LRRC4C: variants seen among roughly 807,000 people sequenced by gnomAD.
The protein encoded by LRRC4C is leucine rich repeat containing 4C.
LRRC4C carries 5 observed loss-of-function variants against 33.6 expected under a neutral mutation model. The observed-to-expected ratio is 0.15, with a 90% CI of 0.08 to 0.31. The LOEUF (loss-of-function observed/expected upper bound fraction) is 0.31, where lower values mean the gene tolerates loss of function less well. Among genes scored for constraint, LRRC4C ranks in the 10% least tolerant of loss-of-function variants. The pLI, the probability that LRRC4C is intolerant of heterozygous loss-of-function variation, is 1.00. For synonymous variants in LRRC4C, 329 were observed against 302.0 expected (o/e 1.09, Z -0.93); for missense variants, 560 against 796.7 (o/e 0.70, Z 3.58).
intron 3 of LRRC4C, among the ~76,000 whole-genome samples, chr11:40,517,587 C>T (rs1028113522): frequency 6.6e-6 from 1 of 152,094 alleles, no homozygotes; most frequent in African/African-American, 2.4e-5. Context: ...TGAGAACCCA[C>T]CCATCTCTAT....
At chr11:40,176,771 C>G (rs1196897911) in intron 5 of LRRC4C, among the ~76,000 whole-genome samples, 1 of 151,700 alleles carries the variant, frequency 6.6e-6, no homozygotes, top group Non-Finnish European at 1.5e-5. Flanking sequence ...GAACTTCTGG[C>G]CTCAAGTGAT....
At chr11:40,674,611 T>C (rs551171697) in intron 2 of LRRC4C, among the ~76,000 whole-genome samples, 30 of 152,148 alleles carry the variant, frequency 2.0e-4, no homozygotes, top group Non-Finnish European at 3.2e-4. Context: ...AAGTTTTAGG[T>C]ACTATTATAA....
At chr11:41,381,387 G>A (rs1953142441) in intron 1 of LRRC4C, among the ~76,000 whole-genome samples, 1 of 152,046 alleles carries the variant, frequency 6.6e-6, no homozygotes, top group African/African-American at 2.4e-5. Context: ...CAGTACTTTG[G>A]GAGGCCGAGG....
chr11:40,223,594 G>A (rs947082606), intron 5 of LRRC4C, among the ~76,000 whole-genome samples: 1 of 152,138 alleles, frequency 6.6e-6, no homozygotes, highest in Non-Finnish European at 1.5e-5. Flanking sequence ...CCAAGGCTGG[G>A]CTCAGAGTGT....
intron 1 of LRRC4C, among the ~76,000 whole-genome samples, chr11:41,096,327 T>C (rs1402487004): frequency 6.6e-6 from 1 of 152,152 alleles, no homozygotes; most frequent in Non-Finnish European, 1.5e-5. Flanking sequence ...ATATTACCCT[T>C]TCTTTTGTAA....
At chr11:40,579,423 A>T (rs1958364782) in intron 3 of LRRC4C, among the ~76,000 whole-genome samples, 2 of 151,834 alleles carry the variant, frequency 1.3e-5, no homozygotes, top group African/African-American at 4.8e-5. Context: ...CTTAAATAAC[A>T]GTTTATGGTG....
chr11:40,311,489 G>A (rs1399638990), intron 4 of LRRC4C, among the ~76,000 whole-genome samples: 1 of 152,168 alleles, frequency 6.6e-6, no homozygotes, highest in East Asian at 1.9e-4. Context: ...GAGAAAATAA[G>A]ATCACATACA....
chr11:40,916,216 T>C lies in LRRC4C; in HGVS notation c.-407+17419A>G, dbSNP rs143253693. Reference sequence around the variant, plus strand: ...TACTGGGTGTATATCCAAAGGATTATAAATCATGCCACTATAAAGACACAT... The same window carrying C: ...TACTGGGTGTATATCCAAAGGATTACAAATCATGCCACTATAAAGACACAT... On this transcript the variant is annotated intron_variant, in intron 2 of 6. Transcript: ENST00000528697. Among the ~76,000 whole-genome samples the C allele has an allele frequency of 9.0e-3, 1,373 of 152,350 alleles. 8 individuals are homozygous for C. The highest frequency in any genetic ancestry group is 0.014 in the Non-Finnish European group (920 of 68,024).
At chr11:40,721,579 A>G (rs2136683333) in intron 2 of LRRC4C, among the ~76,000 whole-genome samples, 1 of 152,330 alleles carries the variant, frequency 6.6e-6, no homozygotes, top group Admixed American at 6.5e-5. Flanking sequence ...ACACATAGGA[A>G]GCCTGGTTGG....
At chr11:40,978,030 T>C (rs547721584) in intron 1 of LRRC4C, among the ~76,000 whole-genome samples, 45 of 152,332 alleles carry the variant, frequency 3.0e-4, no homozygotes, top group African/African-American at 1.1e-3. Flanking sequence ...TGACAATGTA[T>C]CTATCACCAA....
chr11:41,225,828 A>C (rs994837012), intron 1 of LRRC4C, among the ~76,000 whole-genome samples: 5 of 152,092 alleles, frequency 3.3e-5, no homozygotes, highest in African/African-American at 1.2e-4. Flanking sequence ...ACCACTATTC[A>C]GAACTGAGAG....
At chr11:41,081,007 T>C (rs1939531523) in intron 1 of LRRC4C, among the ~76,000 whole-genome samples, 1 of 152,230 alleles carries the variant, frequency 6.6e-6, no homozygotes, top group Non-Finnish European at 1.5e-5. Flanking sequence ...TTTCATTTTC[T>C]GAGGATTTCT....
chr11:40,566,719 G>C (rs1435376616), intron 3 of LRRC4C, among the ~76,000 whole-genome samples: 1 of 152,062 alleles, frequency 6.6e-6, no homozygotes, highest in Non-Finnish European at 1.5e-5. Flanking sequence ...TAAAGAAGGT[G>C]CTGGTTAAAG....
intron 3 of LRRC4C, among the ~76,000 whole-genome samples, chr11:40,418,798 A>G (rs1302269832): frequency 6.6e-6 from 1 of 152,206 alleles, no homozygotes; most frequent in African/African-American, 2.4e-5. Flanking sequence ...GAGTGAGATC[A>G]TGTCCTTTGC....
chr11:40,354,567 T>A (rs186898873), intron 3 of LRRC4C, among the ~76,000 whole-genome samples: 21 of 152,220 alleles, frequency 1.4e-4, no homozygotes, highest in Admixed American at 1.4e-3. Context: ...GTTCTTCCTA[T>A]CCTTTCTTCT....
intron 2 of LRRC4C, among the ~76,000 whole-genome samples, chr11:40,728,858 A>T (rs970999485): frequency 3.3e-5 from 5 of 152,030 alleles, no homozygotes; most frequent in Non-Finnish European, 7.4e-5. Context: ...GGAGGTCATT[A>T]TCCTCAATGA....
At chr11:40,733,061 GTTTTTTTTTTTTTTTTTTTT>G (rs544471413) in intron 2 of LRRC4C, among the ~76,000 whole-genome samples, 17 of 57,604 alleles carry the variant, frequency 3.0e-4, no homozygotes, top group African/African-American at 1.1e-3. Flanking sequence ...TATGAATATA[GTTTTTTTTTTTTTTTTTTTT>G]TTTTTTTTTT....
chr11:41,020,105 C>T (rs1855856591), intron 1 of LRRC4C, among the ~76,000 whole-genome samples: 1 of 152,072 alleles, frequency 6.6e-6, no homozygotes, highest in Non-Finnish European at 1.5e-5. Flanking sequence ...CTACTTTTAA[C>T]TATTGACAAC....
intron 3 of LRRC4C, among the ~76,000 whole-genome samples, chr11:40,463,242 A>G (rs150929591): frequency 1.2e-3 from 178 of 151,872 alleles, no homozygotes; most frequent in African/African-American, 3.9e-3. Context: ...GAAGCATAGA[A>G]GTATAGAAGT....
Sources: allele counts gnomAD v4.1 joint callset (sites outside exome capture counted in the v4.1 genomes callset), GRCh38; gene constraint gnomAD v4.1.1; transcripts MANE v1.5; gene names NCBI Gene and HGNC (gene_info 2026-07-23, HGNC 2026-07-21).